The following LARP4B variants were observed in gnomAD, a reference collection of about 807,000 sequenced individuals.
LARP4B encodes la-related protein 4B.
A neutral mutation model predicts 89.8 loss-of-function variants in LARP4B; 12 were observed. That is an observed-to-expected ratio of 0.13 (90% CI 0.09 to 0.22). The LOEUF is 0.22. LARP4B is among the 10% of genes least tolerant of loss of function. The pLI is 1.00. For missense variants in LARP4B, 757 were observed against 947.7 expected (o/e 0.80, Z 2.64); for synonymous variants, 367 against 363.3 (o/e 1.01, Z -0.12).
chr10:927,238 G>T (rs995208071), intron 1 of LARP4B, among the ~76,000 whole-genome samples: 1 of 152,048 alleles, frequency 6.6e-6, no homozygotes, highest in African/African-American at 2.4e-5. Context: ...AGAAGACAGA[G>T]TTTATAAAGG....
intron 7 of LARP4B, among the ~76,000 whole-genome samples, chr10:841,577 G>A (rs560446878): frequency 2.6e-5 from 4 of 152,334 alleles, no homozygotes; most frequent in African/African-American, 9.6e-5. Context: ...GGGCAGCAGC[G>A]TTTGCAAGGT....
At chr10:907,233 G>C (rs1234719751) in intron 1 of LARP4B, among the ~76,000 whole-genome samples, 2 of 152,184 alleles carry the variant, frequency 1.3e-5, no homozygotes, top group South Asian at 2.1e-4. Context: ...TAAAATCTCA[G>C]TAAATACATT....
At chr10:821,820 T>C (rs1217645268) in intron 13 of LARP4B, among the ~76,000 whole-genome samples, 6 of 152,206 alleles carry the variant, frequency 3.9e-5, no homozygotes, top group Non-Finnish European at 7.3e-5. Flanking sequence ...ATCCCTATTA[T>C]CTCCTACAGA....
chr10:973,512 C>T, the LARP4B span, among the ~76,000 whole-genome samples: 8 of 151,972 alleles, frequency 5.3e-5, no homozygotes, highest in Admixed American at 1.3e-4. Context: ...CCACCACACC[C>T]GGCTGATTTT....
chr10:818,824 A>G (rs939036583), intron 14 of LARP4B: 1 of 152,244 alleles, frequency 6.6e-6, no homozygotes, highest in Admixed American at 6.5e-5. Context: ...ACCTAACTGG[A>G]AAGTGCCAAT....
the LARP4B span, among the ~76,000 whole-genome samples, chr10:965,358 G>A: frequency 6.6e-6 from 1 of 152,140 alleles, no homozygotes; most frequent in Non-Finnish European, 1.5e-5. Flanking sequence ...GGCCCCCAAG[G>A]CCTGGGCTGG....
intron 3 of LARP4B, among the ~76,000 whole-genome samples, chr10:876,894 A>C (rs1414000929): frequency 6.6e-6 from 1 of 152,124 alleles, no homozygotes; most frequent in Non-Finnish European, 1.5e-5. Flanking sequence ...GCTGCCCCAC[A>C]GCTCTAGCAT....
intron 1 of LARP4B, among the ~76,000 whole-genome samples, chr10:923,982 G>C (rs1055372756): frequency 2.0e-5 from 3 of 152,106 alleles, no homozygotes; most frequent in Non-Finnish European, 1.5e-5. Context: ...AGGTGCAATG[G>C]CTCACATCTG....
intron 5 of LARP4B, among the ~76,000 whole-genome samples, chr10:851,616 C>T (rs1025346816): frequency 2.0e-5 from 3 of 152,172 alleles, no homozygotes; most frequent in Non-Finnish European, 2.9e-5. Flanking sequence ...CAGGTGATAA[C>T]AGAGTATTAT....
chr10:844,155 G>A (rs1013471829), intron 6 of LARP4B, among the ~76,000 whole-genome samples: 6 of 152,188 alleles, frequency 3.9e-5, no homozygotes, highest in African/African-American at 1.2e-4. Context: ...CCCTCATCTC[G>A]GCCATCTTCC....
chr10:826,718 C>T (rs1048662013), intron 11 of LARP4B, among the ~76,000 whole-genome samples: 1 of 152,172 alleles, frequency 6.6e-6, no homozygotes, highest in African/African-American at 2.4e-5. Context: ...ACACAGGGCA[C>T]TTAGTTCCTG....
intron 8 of LARP4B, among the ~76,000 whole-genome samples, chr10:834,363 G>T (rs1833085038): frequency 6.6e-6 from 1 of 152,182 alleles, no homozygotes; most frequent in Non-Finnish European, 1.5e-5. Context: ...TCTACTAGTG[G>T]CAAGAATGGT....
chr10:911,422 G>A (rs547952713), intron 1 of LARP4B, among the ~76,000 whole-genome samples: 7 of 152,224 alleles, frequency 4.6e-5, no homozygotes, highest in Admixed American at 3.9e-4. Context: ...TCAGTCAACT[G>A]AAACTCACCT....
At chr10:884,274 A>G (rs1167521186) in intron 3 of LARP4B, among the ~76,000 whole-genome samples, 173 bp downstream of exon 3, 1 of 152,248 alleles carries the variant, frequency 6.6e-6, no homozygotes, top group Admixed American at 6.5e-5. Flanking sequence ...GACATACAGT[A>G]TTGACAGTTA....
At chr10:824,394 G>A (rs960608624) in intron 13 of LARP4B, among the ~76,000 whole-genome samples, 5 of 152,130 alleles carry the variant, frequency 3.3e-5, no homozygotes, top group African/African-American at 1.2e-4. Context: ...TCAGCATGCT[G>A]AGGCAATAGG....
chr10:969,262 C>T, the LARP4B span, among the ~76,000 whole-genome samples: 4 of 152,264 alleles, frequency 2.6e-5, no homozygotes, highest in South Asian at 6.2e-4. Context: ...CCTCCATTTA[C>T]CTTCCCGGTT....
chr10:946,449 G>T, the LARP4B span, among the ~76,000 whole-genome samples: 1 of 152,212 alleles, frequency 6.6e-6, no homozygotes, highest in East Asian at 1.9e-4. Flanking sequence ...TATCCAAAAG[G>T]ATGTAGAAAG....
chr10:910,141 G>C (rs536593286), intron 1 of LARP4B, among the ~76,000 whole-genome samples: 1 of 152,132 alleles, frequency 6.6e-6, no homozygotes, highest in Non-Finnish European at 1.5e-5. Context: ...CTATGACAAC[G>C]ATGAACAATG....
chr10:900,767 A>G (rs1248263585), intron 1 of LARP4B, among the ~76,000 whole-genome samples: 2 of 144,920 alleles, frequency 1.4e-5, no homozygotes. Flanking sequence ...CTACAGGTGC[A>G]CGCCACCACG....
Sources: allele counts gnomAD v4.1 joint callset (sites outside exome capture counted in the v4.1 genomes callset), GRCh38; gene constraint gnomAD v4.1.1; transcripts MANE v1.5; gene names NCBI Gene and HGNC (gene_info 2026-07-23, HGNC 2026-07-21).